GPR149: variants seen among roughly 807,000 people sequenced by gnomAD.
The protein encoded by GPR149 is G protein-coupled receptor 149.
A neutral mutation model predicts 50.2 loss-of-function variants in GPR149; 50 were observed. The ratio of observed to expected loss-of-function variants is 1.00; its 90% CI spans 0.79 to 1.26. The LOEUF (loss-of-function observed/expected upper bound fraction) is 1.26. GPR149 is among the 50% of genes most tolerant of loss of function. GPR149 has a pLI of 0.00. For missense variants in GPR149, 983 were observed against 895.4 expected (o/e 1.10, Z -1.25); for synonymous variants, 405 against 358.2 (o/e 1.13, Z -1.48).
Position 154,429,009 on chromosome 3 carries a change from C to G in GPR149, c.607G>C (p.Gly203Arg), listed in dbSNP as rs1405582834. The change falls in exon 1 of 4, where the codon GGA becomes CGA. Residue 203 changes from glycine (G) to arginine (R), a missense_variant. Coordinates refer to ENST00000389740, the MANE Select transcript of GPR149 (RefSeq NM_001038705.3). The part of the protein sequence containing the change: ...FLSIVYALAF[G>R]LLVGLSVPLT... ...GGGACTGAGAGGCCCACGAGGAGTC[C>G]GAAGGCCAAAGCGTACACGATAGAG... 4.3e-6 allele frequency: 7 copies of G among 1,613,898 alleles called. No individual in the cohort carries two copies. The highest frequency in any genetic ancestry group is 3.3e-5 in the Admixed American group (2 of 60,006).
chr3:154,372,098 T>C (rs9850118), intron 3 of GPR149, among the ~76,000 whole-genome samples: 39,019 of 147,474 alleles, frequency 0.26, 5,246 homozygotes, highest in South Asian at 0.33. Context: ...ACGACTGCCG[T>C]CCAGTTCCCA....
intron 3 of GPR149, among the ~76,000 whole-genome samples, chr3:154,345,328 A>C (rs556049528): frequency 9.8e-5 from 15 of 152,348 alleles, no homozygotes; most frequent in Non-Finnish European, 2.1e-4. Flanking sequence ...ATATTAGAAT[A>C]GATTGTTTTT....
chr3:154,390,160 T>C (rs1221527953), intron 3 of GPR149, among the ~76,000 whole-genome samples: 1 of 152,086 alleles, frequency 6.6e-6, no homozygotes, highest in Non-Finnish European at 1.5e-5. Context: ...CCATGAAGAC[T>C]GGGAGTGCGG....
Position 154,429,711 on chromosome 3 carries a change from C to T in GPR149, c.-96G>A. On this transcript the variant is annotated 5_prime_UTR_variant, in exon 1 of 4. Coordinates refer to ENST00000389740, the MANE Select transcript of GPR149 (RefSeq NM_001038705.3). The stretch of plus-strand genomic sequence containing the variant: ...TGCAAATCAGATTTCATTCCTCCTA[C>T]CAAGTTCCCCTCTAGATGTTCTCCT... 1 of 1,101,494 alleles carries T rather than the reference C, an allele frequency of 9.1e-7. No homozygotes were observed. The allele number at this position is 1,101,494 out of a possible 1,614,324, so 68.2% of individuals were successfully genotyped here.
intron 3 of GPR149, chr3:154,352,402 C>A (rs924545507): frequency 9.9e-7 from 1 of 1,013,370 alleles, no homozygotes; most frequent in African/African-American, 1.6e-5. Flanking sequence ...CAGTTGGAAT[C>A]GTGCCACACT....
chr3:154,340,053 A>G (rs918477172), intron 3 of GPR149, among the ~76,000 whole-genome samples: 3 of 151,572 alleles, frequency 2.0e-5, no homozygotes, highest in South Asian at 2.1e-4. Context: ...CGGCCTCCCA[A>G]TGTGCTGGGA....
chr3:154,405,569 C>T (rs981190889), intron 3 of GPR149, among the ~76,000 whole-genome samples: 1 of 103,760 alleles, frequency 9.6e-6, no homozygotes, highest in Middle Eastern at 0.013. Context: ...GCTTGGGTGA[C>T]AGAGCAAGAC....
At chr3:154,352,751 T>C in intron 3 of GPR149, 3 of 790,568 alleles carry the variant, frequency 3.8e-6, no homozygotes, top group South Asian at 1.3e-5. Flanking sequence ...AACCTGATGG[T>C]ATCCATGCTT....
intron 3 of GPR149, among the ~76,000 whole-genome samples, chr3:154,343,063 G>GTA (rs1553762172): frequency 6.6e-6 from 1 of 152,188 alleles, no homozygotes; most frequent in African/African-American, 2.4e-5. Flanking sequence ...AGGTAAGGCT[G>GTA]TAAGTTCTGC....
In GPR149 at chr3:154,335,114, C is replaced by T. The variant is rs1198150225; in HGVS notation, c.*2585G>A. The T allele has an allele frequency of 6.6e-6, 1 of 151,844 alleles. No homozygotes were observed. The highest frequency in any genetic ancestry group is 1.9e-4 in the East Asian group (1 of 5,180). 9.4% of individuals were successfully genotyped at this position (151,844 alleles called of 1,614,324 possible). Reference sequence around the variant, plus strand: ...ACGTGTTTGCAGTTTATAGGAGTCACCACCAGATGGTGATATTTTTATTAG... The same window carrying T: ...ACGTGTTTGCAGTTTATAGGAGTCATCACCAGATGGTGATATTTTTATTAG... On this transcript the variant is annotated 3_prime_UTR_variant, in exon 4 of 4. Transcript: ENST00000389740.
At position 154,337,543 on chromosome 3, in the gene GPR149, A is replaced by T; in HGVS notation, c.*156T>A. 2 of 549,254 alleles carry T rather than the reference A, an allele frequency of 3.6e-6. No individual in the cohort carries two copies. The highest frequency in any genetic ancestry group is 4.4e-4 in the Middle Eastern group (1 of 2,284). 34.0% of individuals were successfully genotyped at this position (549,254 alleles called of 1,614,324 possible). On this transcript the variant is annotated 3_prime_UTR_variant, in exon 4 of 4. Coordinates refer to ENST00000389740, the MANE Select transcript of GPR149 (RefSeq NM_001038705.3). ...ACACATCAAATGCACTTAAGTGTTTACACTAGTTCCAGTTGTTCCCACAAA... is the reference window on the plus strand; with the variant it reads ...ACACATCAAATGCACTTAAGTGTTTTCACTAGTTCCAGTTGTTCCCACAAA...
chr3:154,339,483 A>G (rs547952507), intron 3 of GPR149, among the ~76,000 whole-genome samples: 41 of 152,280 alleles, frequency 2.7e-4, no homozygotes, highest in Non-Finnish European at 4.1e-4. Context: ...CATGGGAGAT[A>G]ATGGTATTTT....
chr3:154,404,873 T>TCATCATCAG (rs60579531), intron 3 of GPR149, among the ~76,000 whole-genome samples: 44 of 151,188 alleles, frequency 2.9e-4, no homozygotes, highest in South Asian at 4.2e-4. Flanking sequence ...ATCATCATCA[T>TCATCATCAG]CAGCAGCAGC....
At chr3:154,352,724 A>G in intron 3 of GPR149, 1 of 786,172 alleles carries the variant, frequency 1.3e-6, no homozygotes, top group Non-Finnish European at 2.4e-6. Context: ...ACAGCAGCAT[A>G]AGAAACGGAA....
intron 3 of GPR149, chr3:154,354,141 T>A: frequency 4.0e-6 from 2 of 496,704 alleles, no homozygotes; most frequent in Non-Finnish European, 7.8e-6. Flanking sequence ...TCATTTTAGT[T>A]TTTTTTGGCC....
intron 3 of GPR149, chr3:154,352,422 C>T: frequency 1.1e-6 from 1 of 898,210 alleles, no homozygotes; most frequent in Admixed American, 1.7e-5. Flanking sequence ...TGCCTGTAAC[C>T]TTTCTGATTC....
At chr3:154,405,822 A>G (rs1302779389) in intron 3 of GPR149, among the ~76,000 whole-genome samples, 6 of 151,924 alleles carry the variant, frequency 3.9e-5, no homozygotes, top group South Asian at 2.1e-4. Context: ...ATTAAGCCAT[A>G]CAAGTACTTA....
chr3:154,428,689 C>T lies in GPR149; in HGVS notation c.927G>A (p.Lys309=), dbSNP rs757134828. The T allele has an allele frequency of 3.7e-5, 60 of 1,614,098 alleles. No individual in the cohort carries two copies. The highest frequency in any genetic ancestry group is 4.9e-5 in the Non-Finnish European group (58 of 1,180,056). Residue 309 remains lysine (K), a synonymous_variant, in exon 1 of 4, where the codon AAG becomes AAA. Transcript: ENST00000389740. ...TRSFTVSVAQ[K]RFALILALTK... is the part of the protein sequence containing the mutation. ...TAAGCGCTAGGATCAAAGCGAAGCG[C>T]TTCTGCGCTACGCTCACGGTGAAGC... is the stretch of plus-strand genomic sequence containing the variant.
chr3:154,397,917 C>T (rs1715330982), intron 3 of GPR149, among the ~76,000 whole-genome samples: 3 of 150,618 alleles, frequency 2.0e-5, no homozygotes, highest in South Asian at 4.2e-4. Flanking sequence ...TACAGGTTGG[C>T]AATGGTTATA....
Sources: gnomAD v4.1 joint callset for allele counts (sites outside exome capture counted in the v4.1 genomes callset) on GRCh38, gnomAD v4.1.1 for gene constraint, MANE v1.5 for transcripts, NCBI Gene and HGNC (gene_info 2026-07-23, HGNC 2026-07-21) for gene names.